The following NHSL2 variants were observed in gnomAD, a reference collection of about 807,000 sequenced individuals.
NHSL2 encodes NHS-like protein 2.
In NHSL2, 27 loss-of-function variants were observed where a neutral mutation model predicts 53.4. The observed-to-expected ratio is 0.51, with a 90% CI of 0.37 to 0.70. The LOEUF is 0.70. Ranked by LOEUF, NHSL2 falls within the 30% of genes least tolerant of loss-of-function variation. The pLI is 0.00. For synonymous variants in NHSL2, 408 were observed against 404.1 expected (o/e 1.01, Z -0.12); for missense variants, 892 against 980.1 (o/e 0.91, Z 1.20).
chrX:72,017,309 C>T (rs1465740602), intron 1 of NHSL2, among the ~76,000 whole-genome samples: 3 of 112,442 alleles, frequency 2.7e-5, no homozygotes, highest in East Asian at 2.8e-4. Context: ...GGATACATTA[C>T]CCTTCTACAA....
chrX:72,035,449 G>A (rs947510825), intron 1 of NHSL2, among the ~76,000 whole-genome samples: 1 of 111,533 alleles, frequency 9.0e-6, no homozygotes, highest in Non-Finnish European at 1.9e-5. Flanking sequence ...ATCAATTACT[G>A]TAAGTGGAGT....
At chrX:72,113,194 G>T (rs146196967) in intron 1 of NHSL2, among the ~76,000 whole-genome samples, 11 of 111,536 alleles carry the variant, frequency 9.9e-5, no homozygotes, top group Admixed American at 2.9e-4. Flanking sequence ...TGTGCTTTTG[G>T]TGTCATATCT....
In NHSL2 at chrX:72,151,513, AG is replaced by A. The variant is rs1160145175; in HGVS notation, c.*7945del. ...AGACTGACTGCACAGGAGCAGGTGG[AG>A]GGGGGCTGCATATGCCAACCATTAC... On this transcript the variant is annotated 3_prime_UTR_variant, in exon 8 of 8. Coordinates refer to ENST00000633930, the MANE Select transcript of NHSL2 (RefSeq NM_001013627.3). 1 of 111,740 alleles carries A rather than the reference AG, an allele frequency of 8.9e-6. No homozygotes were observed. Among genetic ancestry groups the A allele is most frequent in the Non-Finnish European group, 1.9e-5 (1 of 53,140 alleles). 9.2% of individuals were successfully genotyped at this position (111,740 alleles called of 1,213,427 possible).
intron 1 of NHSL2, among the ~76,000 whole-genome samples, chrX:72,056,130 T>C: frequency 8.9e-6 from 1 of 111,971 alleles, no homozygotes; most frequent in Non-Finnish European, 1.9e-5. Flanking sequence ...CATTTTCCCA[T>C]GTAAATCAGT....
chrX:72,133,421 C>T (rs948018824), intron 2 of NHSL2, among the ~76,000 whole-genome samples: 7 of 112,363 alleles, frequency 6.2e-5, no homozygotes, highest in African/African-American at 2.3e-4. Flanking sequence ...TCTACTCTCA[C>T]TTTCTTCATG....
At chrX:72,051,265 A>AT (rs1216398074) in intron 1 of NHSL2, among the ~76,000 whole-genome samples, 1 of 111,911 alleles carries the variant, frequency 8.9e-6, no homozygotes, top group Admixed American at 9.4e-5. Flanking sequence ...GATTATTTCT[A>AT]TTTTTTACCA....
In NHSL2 at chrX:72,016,671, C is replaced by A. The variant is rs183518661; in HGVS notation, c.280+105304C>A. Among the ~76,000 whole-genome samples the A allele has an allele frequency of 2.7e-5, 3 of 111,451 alleles. No homozygotes were observed. The Admixed American group carries it at 2.9e-4, about 11-fold the overall frequency. On this transcript the variant is annotated intron_variant, in intron 1 of 7. Transcript: ENST00000633930. Reference sequence around the variant, plus strand: ...ACATAACCCATCCCCAACACACACACACACAAACACACACACAGAGACACA... The same window carrying A: ...ACATAACCCATCCCCAACACACACAAACACAAACACACACACAGAGACACA...
intron 1 of NHSL2, among the ~76,000 whole-genome samples, chrX:71,942,938 G>A (rs773966633): frequency 2.1e-3 from 205 of 96,256 alleles, no homozygotes; most frequent in Middle Eastern, 5.5e-3. Context: ...CTTTGTCGAG[G>A]GCTCTAATGC....
intron 1 of NHSL2, chrX:72,130,064 A>G: frequency 8.3e-7 from 1 of 1,211,031 alleles, no homozygotes; most frequent in Non-Finnish European, 1.1e-6. Flanking sequence ...GCACCCAGGA[A>G]GTTTTCGGCG....
At chrX:71,929,014 T>C (rs1184464465) in intron 1 of NHSL2, among the ~76,000 whole-genome samples, 1 of 111,681 alleles carries the variant, frequency 9.0e-6, no homozygotes, top group Non-Finnish European at 1.9e-5. Flanking sequence ...CTCCCCATAC[T>C]GTCATAGATG....
chrX:72,050,903 A>C (rs2147929732), intron 1 of NHSL2, among the ~76,000 whole-genome samples: 1 of 109,873 alleles, frequency 9.1e-6, no homozygotes, highest in South Asian at 3.9e-4. Context: ...AAAAAAAAAA[A>C]CAAAACAAAA....
chrX:72,101,076 C>T (rs1177103116), intron 1 of NHSL2, among the ~76,000 whole-genome samples: 4 of 104,221 alleles, frequency 3.8e-5, no homozygotes, highest in South Asian at 4.4e-4. Context: ...TGTGTGGCAA[C>T]GGGGCTCTGA....
rs1200457741 is a variant in NHSL2, at chrX:72,131,790, G to T, written c.281-289G>T. On this transcript the variant is annotated intron_variant, in intron 1 of 7. Transcript: ENST00000633930. ...GGCCGGAGAGGGCGGGCGGAGGCAC[G>T]GGGCCCGGAGGCGCCAGGCGGAGGA... 46 of 231,923 alleles carry T rather than the reference G, an allele frequency of 2.0e-4. 1 individual carries two copies. The Admixed American group carries it at 2.7e-3, about 14-fold the overall frequency. The allele number at this position is 231,923 out of a possible 1,213,427, so 19.1% of individuals were successfully genotyped here.
chrX:72,065,872 G>A (rs2042426149), intron 1 of NHSL2, among the ~76,000 whole-genome samples: 1 of 111,909 alleles, frequency 8.9e-6, no homozygotes, highest in Non-Finnish European at 1.9e-5. Flanking sequence ...AAGAGAATGA[G>A]TAGCCCAGAT....
intron 1 of NHSL2, among the ~76,000 whole-genome samples, chrX:72,076,840 A>G (rs1290285757): frequency 9.0e-6 from 1 of 111,724 alleles, no homozygotes; most frequent in African/African-American, 3.3e-5. Flanking sequence ...CAGATTTTCT[A>G]TTTCAAAAGT....
At chrX:72,054,173 C>G (rs951511319) in intron 1 of NHSL2, among the ~76,000 whole-genome samples, 2 of 111,904 alleles carry the variant, frequency 1.8e-5, no homozygotes. Context: ...TGCCATACTC[C>G]TCTGTCTACA....
chrX:72,065,803 A>G (rs2042425630), intron 1 of NHSL2, among the ~76,000 whole-genome samples: 1 of 112,173 alleles, frequency 8.9e-6, no homozygotes, highest in African/African-American at 3.2e-5. Context: ...TTCTCTGACC[A>G]CAAAGCTTTT....
Position 72,134,540 on chromosome X carries a change from C to CT in NHSL2, c.597dup (p.Thr200TyrfsTer26). 1 of 1,167,445 alleles carries CT rather than the reference C, an allele frequency of 8.6e-7. No homozygotes were observed. Among genetic ancestry groups the CT allele is most frequent in the Non-Finnish European group, 1.1e-6 (1 of 872,248 alleles). On this transcript the variant is annotated frameshift_variant, in exon 4 of 8. Coordinates refer to ENST00000633930, the MANE Select transcript of NHSL2 (RefSeq NM_001013627.3). LOFTEE classifies it high-confidence loss of function. ...AAACGGCAGCTGAGCGAGGATGAGA[C>CT]TACCACCCAGGGTGTGAGGGCCCCC...
At chrX:72,080,509 C>T (rs2147421048) in intron 1 of NHSL2, among the ~76,000 whole-genome samples, 1 of 110,314 alleles carries the variant, frequency 9.1e-6, no homozygotes, top group African/African-American at 3.3e-5. Flanking sequence ...GATGTGATCA[C>T]ATCCCAACCC....
Sources: gnomAD v4.1 joint callset for allele counts (sites outside exome capture counted in the v4.1 genomes callset) on GRCh38, gnomAD v4.1.1 for gene constraint, MANE v1.5 for transcripts, NCBI Gene and HGNC (gene_info 2026-07-23, HGNC 2026-07-21) for gene names.